The following MMD variants were observed in gnomAD, a reference collection of about 807,000 sequenced individuals.
MMD encodes monocyte to macrophage differentiation factor.
MMD carries 22 observed loss-of-function variants against 33.6 expected under a neutral mutation model. The ratio of observed to expected loss-of-function variants is 0.66; its 90% confidence interval spans 0.47 to 0.94. The LOEUF (loss-of-function observed/expected upper bound fraction) is 0.94, where lower values mean the gene tolerates loss of function less well. Ranked by LOEUF, MMD falls within the 40% of genes least tolerant of loss-of-function variation. MMD has a pLI of 0.00. For missense variants in MMD, 242 were observed against 309.8 expected, an observed-to-expected ratio of 0.78 and a Z score of 1.64; for synonymous variants, 97 against 103.2, an observed-to-expected ratio of 0.94 and a Z score of 0.36.
intron 2 of MMD, among the ~76,000 whole-genome samples, chr17:55,413,317 C>G (rs1486350076): frequency 6.6e-6 from 1 of 152,130 alleles, no homozygotes; most frequent in Non-Finnish European, 1.5e-5. Context: ...CTATTTTTCC[C>G]TCAATGTCAC....
At chr17:55,401,343 TTTTTC>T (rs1429464577) in intron 6 of MMD, 121 bp downstream of exon 6, 3 of 801,236 alleles carry the variant, frequency 3.7e-6, no homozygotes, top group Non-Finnish European at 5.7e-6. Context: ...TTATAAGTTC[TTTTTC>T]TTTTGAGCCT....
At chr17:55,409,707 G>A (rs762728547) in intron 3 of MMD, among the ~76,000 whole-genome samples, 3 of 152,186 alleles carry the variant, frequency 2.0e-5, no homozygotes, top group Non-Finnish European at 2.9e-5. Flanking sequence ...GCTATTCAAA[G>A]TTAAAGAGAA....
In MMD at chr17:55,404,566, G is replaced by A. The variant is rs983555980; in HGVS notation, c.345-698C>T. 9 of 985,062 alleles carry A rather than the reference G, an allele frequency of 9.1e-6. No individual in the cohort carries two copies. The East Asian group carries it at 5.7e-4, about 62-fold the overall frequency. 61.0% of individuals were successfully genotyped at this position (985,062 alleles called of 1,614,324 possible). ...GAAGAACCTGGAACAAAATTTTGAC[G>A]CAGGATCAGATACCCACAGTGGATA... On this transcript the variant is annotated intron_variant, in intron 4 of 6. Coordinates refer to ENST00000262065, the MANE Select transcript of MMD (RefSeq NM_012329.3).
At chr17:55,415,681 A>G (rs1045963146) in intron 1 of MMD, among the ~76,000 whole-genome samples, 1 of 152,202 alleles carries the variant, frequency 6.6e-6, no homozygotes, top group Non-Finnish European at 1.5e-5. Context: ...TTAACACAAT[A>G]CAGATAGTTC....
intron 5 of MMD, among the ~76,000 whole-genome samples, 175 bp downstream of exon 5, chr17:55,403,592 A>G (rs1907429651): frequency 6.6e-6 from 1 of 152,242 alleles, no homozygotes; most frequent in African/African-American, 2.4e-5. Context: ...TTTCCACAGC[A>G]ATCTTTCCAC....
intron 1 of MMD, among the ~76,000 whole-genome samples, chr17:55,417,985 C>T (rs1274184351): frequency 6.6e-6 from 1 of 152,212 alleles, no homozygotes; most frequent in Non-Finnish European, 1.5e-5. Context: ...CTCTCTCCAT[C>T]CTCTGGCTAT....
chr17:55,395,497 G>T (rs957108910), intron 6 of MMD, among the ~76,000 whole-genome samples: 2 of 152,220 alleles, frequency 1.3e-5, no homozygotes, highest in Admixed American at 1.3e-4. Flanking sequence ...CAAGAGTAAA[G>T]GGAAGCTCTA....
Position 55,396,759 on chromosome 17 carries a change from GGCGT to G in MMD, c.517-2229_517-2226del, listed in dbSNP as rs1386075868. On this transcript the variant is annotated intron_variant, in intron 6 of 6. Transcript: ENST00000262065. ...AGCCTCCCAAGTAGATGGGATTACA[GGCGT>G]GTGCCACCACACCTGGCTAATTTTT... Among the ~76,000 whole-genome samples, 7 of 152,114 alleles carry G rather than the reference GGCGT, an allele frequency of 4.6e-5. No homozygotes were observed. The East Asian group carries it at 1.4e-3, about 30-fold the overall frequency.
At chr17:55,414,091 C>A in intron 2 of MMD, 60 bp downstream of exon 2, 1 of 1,496,548 alleles carries the variant, frequency 6.7e-7, no homozygotes, top group Non-Finnish European at 9.3e-7. Flanking sequence ...GAGATAACTA[C>A]CCCTTCCTCC....
At chr17:55,412,772 G>A (rs1907814262) in intron 2 of MMD, among the ~76,000 whole-genome samples, 1 of 152,166 alleles carries the variant, frequency 6.6e-6, no homozygotes, top group South Asian at 2.1e-4. Context: ...AGGGGTGAGA[G>A]TCTATGGCTC....
chr17:55,394,939 A>C (rs949326249), intron 6 of MMD, among the ~76,000 whole-genome samples: 3 of 152,136 alleles, frequency 2.0e-5, no homozygotes, highest in Non-Finnish European at 4.4e-5. Flanking sequence ...TATAATTTAC[A>C]TCTCAGGCAG....
At chr17:55,407,998 G>C (rs1024452993) in intron 3 of MMD, among the ~76,000 whole-genome samples, 178 bp from the exon 4 acceptor site, 1 of 152,188 alleles carries the variant, frequency 6.6e-6, no homozygotes, top group African/African-American at 2.4e-5. Context: ...ACGAGTAAAA[G>C]CTTTCTGTTA....
chr17:55,398,455 T>TAAA (rs1488096702), intron 6 of MMD, among the ~76,000 whole-genome samples: 2 of 151,924 alleles, frequency 1.3e-5, no homozygotes, highest in Non-Finnish European at 2.9e-5. Context: ...TCCCGTCTTT[T>TAAA]GATCTGTGTC....
chr17:55,407,186 A>G (rs910314698), intron 4 of MMD, among the ~76,000 whole-genome samples: 1 of 151,738 alleles, frequency 6.6e-6, no homozygotes, highest in African/African-American at 2.4e-5. Flanking sequence ...AAAATTAGCC[A>G]GGCATGGTAG....
intron 5 of MMD, among the ~76,000 whole-genome samples, chr17:55,402,087 C>CAAAAAAAA (rs55724383): frequency 1.1e-5 from 1 of 92,050 alleles, no homozygotes; most frequent in African/African-American, 4.3e-5. Context: ...GACTCAGTCT[C>CAAAAAAAA]AAAAAAAAAA....
Position 55,394,485 on chromosome 17 carries a change from C to G in MMD, c.566G>C (p.Cys189Ser). The G allele has an allele frequency of 6.5e-7, 1 of 1,538,446 alleles. No individual in the cohort carries two copies. The highest frequency in any genetic ancestry group is 2.5e-5 in the East Asian group (1 of 39,482). Reference protein sequence around the residue: ...QELACGGLIYCLGVVFFKSDG... With the variant: ...QELACGGLIYSLGVVFFKSDG... ...ACTCTTGAAGAACACAACTCCCAAG[C>G]AATAAATTAAGCCCCCACAGGCAAG... Residue 189 changes from cysteine (C) to serine (S), a missense_variant, in exon 7 of 7, where the codon TGC (cysteine) becomes TCC (serine). Coordinates refer to ENST00000262065, the MANE Select transcript of MMD (RefSeq NM_012329.3).
At chr17:55,405,211 T>C (rs1598431726) in intron 4 of MMD, among the ~76,000 whole-genome samples, 2 of 149,052 alleles carry the variant, frequency 1.3e-5, no homozygotes, top group South Asian at 4.3e-4. Flanking sequence ...CTACTAAAAA[T>C]ACAAAAAAAT....
chr17:55,415,795 T>C (rs1907947826), intron 1 of MMD, among the ~76,000 whole-genome samples: 1 of 152,258 alleles, frequency 6.6e-6, no homozygotes, highest in Admixed American at 6.5e-5. Context: ...ATGTACTTAC[T>C]GAGTATAATC....
chr17:55,396,904 C>T (rs758668425), intron 6 of MMD, among the ~76,000 whole-genome samples: 101 of 152,120 alleles, frequency 6.6e-4, no homozygotes, highest in Non-Finnish European at 1.2e-3. Context: ...CGTGAGCCAC[C>T]GCGCCTGGCC....
Sources: allele counts gnomAD v4.1 joint callset (sites outside exome capture counted in the v4.1 genomes callset), GRCh38; gene constraint gnomAD v4.1.1; transcripts MANE v1.5; gene names NCBI Gene and HGNC (gene_info 2026-07-23, HGNC 2026-07-21).